Variants in RNGTT observed in about 807,000 individuals in gnomAD.
The protein encoded by RNGTT is RNA guanylyltransferase and 5'-phosphatase.
In RNGTT, 33 loss-of-function variants were observed where a neutral mutation model predicts 79.3. The observed-to-expected ratio is 0.42, with a 90% CI of 0.32 to 0.56. The LOEUF is 0.56. Ranked by LOEUF, RNGTT falls within the 20% of genes least tolerant of loss-of-function variation. The pLI is 0.17. For missense variants in RNGTT, 497 were observed against 739.1 expected (o/e 0.67, Z 3.80); for synonymous variants, 222 against 235.9 (o/e 0.94, Z 0.54).
intron 8 of RNGTT, among the ~76,000 whole-genome samples, chr6:88,886,362 T>C (rs1034109948): frequency 3.3e-5 from 5 of 152,168 alleles, no homozygotes; most frequent in African/African-American, 4.8e-5. Flanking sequence ...ATGAAACACG[T>C]GATCCTGGAC....
chr6:88,824,297 T>C (rs148375387), intron 11 of RNGTT, among the ~76,000 whole-genome samples: 33 of 152,340 alleles, frequency 2.2e-4, no homozygotes, highest in South Asian at 4.1e-4. Context: ...CTGTACAGCA[T>C]GTAACTATAC....
chr6:88,736,439 A>G (rs1777288288), intron 13 of RNGTT, among the ~76,000 whole-genome samples: 1 of 152,286 alleles, frequency 6.6e-6, no homozygotes, highest in East Asian at 1.9e-4. Context: ...CTCGCAGTCA[A>G]TGAAATTGGA....
intron 13 of RNGTT, 152 bp downstream of exon 13, chr6:88,769,622 G>A: frequency 6.5e-6 from 3 of 459,750 alleles, no homozygotes; most frequent in Admixed American, 3.7e-5. Flanking sequence ...CGAAATTGTT[G>A]TATAAGTATA....
chr6:88,767,694 A>C (rs1026131661), intron 13 of RNGTT, among the ~76,000 whole-genome samples: 1 of 149,136 alleles, frequency 6.7e-6, no homozygotes, highest in Non-Finnish European at 1.5e-5. Context: ...AAAAAAAAAA[A>C]AAAAAAAAAA....
chr6:88,888,795 C>G (rs1782949819), intron 8 of RNGTT, among the ~76,000 whole-genome samples: 1 of 152,208 alleles, frequency 6.6e-6, no homozygotes, highest in Non-Finnish European at 1.5e-5. Flanking sequence ...TTTGGGAGAC[C>G]AAGGCAGGTG....
intron 13 of RNGTT, among the ~76,000 whole-genome samples, chr6:88,701,719 T>G (rs1279080665): frequency 1.3e-5 from 2 of 152,100 alleles, no homozygotes; most frequent in Non-Finnish European, 2.9e-5. Context: ...TTAATAGATA[T>G]GGAAGCTAAT....
intron 13 of RNGTT, among the ~76,000 whole-genome samples, chr6:88,755,959 CAAAAAAAAAAAAA>C (rs1157096180): frequency 2.0e-4 from 6 of 30,526 alleles, no homozygotes; most frequent in East Asian, 1.1e-3. Flanking sequence ...GACTCCGTCT[CAAAAAAAAAAAAA>C]AAAAAAAAAA....
At chr6:88,683,364 T>A (rs1396648121) in intron 13 of RNGTT, among the ~76,000 whole-genome samples, 2 of 151,898 alleles carry the variant, frequency 1.3e-5, no homozygotes, top group African/African-American at 4.8e-5. Context: ...ATAGAGACAC[T>A]CCTAGAAAAA....
At chr6:88,950,365 C>T (rs1785202075) in intron 1 of RNGTT, among the ~76,000 whole-genome samples, 1 of 152,080 alleles carries the variant, frequency 6.6e-6, no homozygotes, top group African/African-American at 2.4e-5. Flanking sequence ...TTTTGTTTGT[C>T]TTTACAGAGT....
chr6:88,961,851 A>G (rs1429070926), intron 1 of RNGTT, among the ~76,000 whole-genome samples: 1 of 152,232 alleles, frequency 6.6e-6, no homozygotes, highest in Non-Finnish European at 1.5e-5. Flanking sequence ...TTGTACATGA[A>G]TGTTCACAGC....
intron 13 of RNGTT, among the ~76,000 whole-genome samples, chr6:88,702,398 T>C (rs1775977359): frequency 6.6e-6 from 1 of 151,840 alleles, no homozygotes; most frequent in African/African-American, 2.4e-5. Flanking sequence ...AAAACTCAAA[T>C]AAAGCTGCAC....
At chr6:88,836,228 A>T (rs1781075713) in intron 11 of RNGTT, among the ~76,000 whole-genome samples, 1 of 151,032 alleles carries the variant, frequency 6.6e-6, no homozygotes, top group Non-Finnish European at 1.5e-5. Flanking sequence ...TATGAATGAG[A>T]TTTATATATA....
At chr6:88,631,184 T>C (rs1026694225) in intron 14 of RNGTT, among the ~76,000 whole-genome samples, 1 of 152,222 alleles carries the variant, frequency 6.6e-6, no homozygotes, top group Admixed American at 6.5e-5. Context: ...AAGAAACTGC[T>C]ACAAACGAAA....
intron 13 of RNGTT, among the ~76,000 whole-genome samples, chr6:88,702,229 G>C (rs530028108): frequency 6.6e-6 from 1 of 151,980 alleles, no homozygotes; most frequent in South Asian, 2.1e-4. Context: ...ACTTCATATG[G>C]AACCAAAAAA....
chr6:88,803,330 A>AT (rs1339699559), intron 11 of RNGTT, among the ~76,000 whole-genome samples: 1 of 151,984 alleles, frequency 6.6e-6, no homozygotes, highest in Admixed American at 6.6e-5. Context: ...AATCCCAGCA[A>AT]TTTGGGAGGC....
chr6:88,771,315 G>GTGTGTGTATATATATATATATATATA (rs1303688973), intron 12 of RNGTT, among the ~76,000 whole-genome samples: 1 of 62,070 alleles, frequency 1.6e-5, no homozygotes, highest in Non-Finnish European at 3.0e-5. Context: ...GTGTGTGTGT[G>GTGTGTGTATATATATATATATATATA]TATATATATA....
intron 6 of RNGTT, among the ~76,000 whole-genome samples, chr6:88,896,784 GC>G (rs1175434861): frequency 3.9e-5 from 6 of 152,094 alleles, no homozygotes; most frequent in Admixed American, 2.0e-4. Context: ...GAAAGATATT[GC>G]CCTACATTCA....
At chr6:88,711,064 C>A (rs1776302104) in intron 13 of RNGTT, among the ~76,000 whole-genome samples, 1 of 152,054 alleles carries the variant, frequency 6.6e-6, no homozygotes, top group Non-Finnish European at 1.5e-5. Flanking sequence ...TCTCTAGAGA[C>A]AAATTTAATC....
At chr6:88,672,550 A>C (rs1774694615) in intron 14 of RNGTT, among the ~76,000 whole-genome samples, 1 of 152,112 alleles carries the variant, frequency 6.6e-6, no homozygotes, top group African/African-American at 2.4e-5. Context: ...CTGGGGACTC[A>C]GGGGGAAGTG....
Sources: gnomAD v4.1 joint callset for allele counts (sites outside exome capture counted in the v4.1 genomes callset) on GRCh38, gnomAD v4.1.1 for gene constraint, MANE v1.5 for transcripts, NCBI Gene and HGNC (gene_info 2026-07-23, HGNC 2026-07-21) for gene names.